Variants in ERBB4 observed in about 807,000 individuals in gnomAD.
The protein encoded by ERBB4 is erb-b2 receptor tyrosine kinase 4, also known as receptor tyrosine-protein kinase erbB-4.
Under a neutral mutation model 158.0 loss-of-function variants are expected in ERBB4, and 42 were observed. The ratio of observed to expected loss-of-function variants is 0.27; its 90% CI spans 0.21 to 0.34. The LOEUF (loss-of-function observed/expected upper bound fraction) is 0.34. Among genes scored for constraint, ERBB4 ranks in the 10% least tolerant of loss-of-function variants. The probability of loss-of-function intolerance (pLI) is 1.00; values close to 1 mark genes in which losing one functional copy is unlikely to be tolerated. For synonymous variants in ERBB4, 583 were observed against 558.7 expected, an observed-to-expected ratio of 1.04 and a Z score of -0.61; for missense variants, 1,333 against 1,624.1, an observed-to-expected ratio of 0.82 and a Z score of 3.08.
chr2:212,199,448 T>C (rs1430146641), intron 1 of ERBB4, among the ~76,000 whole-genome samples: 3 of 152,290 alleles, frequency 2.0e-5, no homozygotes, highest in Admixed American at 2.0e-4. Context: ...TATTACATCA[T>C]AAATTATATC....
chr2:211,743,292 T>G (rs2074853573), intron 5 of ERBB4, among the ~76,000 whole-genome samples: 1 of 152,100 alleles, frequency 6.6e-6, no homozygotes, highest in South Asian at 2.1e-4. Context: ...GTATGCAAAG[T>G]TCAGGAAAAT....
chr2:211,994,607 T>C (rs552943251), intron 2 of ERBB4, among the ~76,000 whole-genome samples: 1 of 152,338 alleles, frequency 6.6e-6, no homozygotes, highest in South Asian at 2.1e-4. Context: ...AGCATACATT[T>C]ACATTTTTAT....
intron 2 of ERBB4, among the ~76,000 whole-genome samples, chr2:211,954,733 T>C (rs1173622430): frequency 6.6e-6 from 1 of 152,050 alleles, no homozygotes; most frequent in East Asian, 1.9e-4. Context: ...ACAAATGTAG[T>C]AGCAAATTGT....
chr2:212,441,692 TA>T (rs35216786), intron 1 of ERBB4, among the ~76,000 whole-genome samples: 46 of 147,600 alleles, frequency 3.1e-4, no homozygotes, highest in Middle Eastern at 3.4e-3. Context: ...CTTGGGGAGT[TA>T]AAAAAAAAAG....
chr2:211,490,765 C>T (rs891201334), intron 20 of ERBB4, among the ~76,000 whole-genome samples: 1 of 152,012 alleles, frequency 6.6e-6, no homozygotes, highest in Non-Finnish European at 1.5e-5. Context: ...TGCCCTCTTA[C>T]AGCTTTGCAT....
intron 20 of ERBB4, among the ~76,000 whole-genome samples, chr2:211,522,147 A>G (rs1406550509): frequency 6.6e-6 from 1 of 152,186 alleles, no homozygotes; most frequent in African/African-American, 2.4e-5. Flanking sequence ...ATCTGGACAA[A>G]GTAAATTGAA....
chr2:212,207,745 T>C (rs2082809937), intron 1 of ERBB4, among the ~76,000 whole-genome samples: 1 of 143,160 alleles, frequency 7.0e-6, no homozygotes, highest in African/African-American at 3.0e-5. Context: ...ACACTTGAAC[T>C]CTCTACATCT....
intron 3 of ERBB4, among the ~76,000 whole-genome samples, chr2:211,856,366 CTATTTATTTATT>C (rs33972622): frequency 2.8e-5 from 4 of 140,642 alleles, no homozygotes; most frequent in South Asian, 2.4e-4. Flanking sequence ...CTTGTAATTT[CTATTTATTTATT>C]TATTTATTTA....
intron 2 of ERBB4, among the ~76,000 whole-genome samples, chr2:212,012,395 T>C (rs1229437289): frequency 6.6e-6 from 1 of 150,636 alleles, no homozygotes; most frequent in Non-Finnish European, 1.5e-5. Flanking sequence ...GCCTTTTCAG[T>C]GGACAATGCT....
chr2:212,004,212 T>C (rs1194116084), intron 2 of ERBB4, among the ~76,000 whole-genome samples: 3 of 152,234 alleles, frequency 2.0e-5, no homozygotes, highest in African/African-American at 7.2e-5. Flanking sequence ...ATATTTTCTA[T>C]ACATTAATTG....
rs74976839 is a variant in ERBB4, at chr2:211,923,364, G to C, written c.421+24066C>G. 3.3e-5 allele frequency among the ~76,000 whole-genome samples: 5 copies of C among 152,234 alleles called. 1 individual carries two copies. In the East Asian group the frequency reaches 9.6e-4, roughly 29 times the overall value. On this transcript the variant is annotated intron_variant, in intron 3 of 27. Transcript: ENST00000342788. ...AGTCACTGATATTTTTTAAAAAAGA[G>C]TTTGGTTAAACAATGTTAAGATGAA... is the stretch of plus-strand genomic sequence containing the variant.
intron 1 of ERBB4, among the ~76,000 whole-genome samples, chr2:212,153,295 C>T (rs1017817257): frequency 6.6e-6 from 1 of 152,174 alleles, no homozygotes; most frequent in Non-Finnish European, 1.5e-5. Flanking sequence ...AAAAGTCCTT[C>T]TGCCCAAAGG....
At chr2:212,053,877 T>C (rs1237858503) in intron 2 of ERBB4, among the ~76,000 whole-genome samples, 1 of 152,202 alleles carries the variant, frequency 6.6e-6, no homozygotes, top group Non-Finnish European at 1.5e-5. Context: ...TCACCCTGCA[T>C]TCTCAAGAAA....
chr2:211,488,433 G>C (rs976228378), intron 20 of ERBB4, among the ~76,000 whole-genome samples: 3 of 152,024 alleles, frequency 2.0e-5, no homozygotes, highest in African/African-American at 4.8e-5. Context: ...ACTGTATTGA[G>C]AGTGCCTAAA....
intron 7 of ERBB4, among the ~76,000 whole-genome samples, chr2:211,716,209 A>C (rs2073892694): frequency 6.6e-6 from 1 of 151,768 alleles, no homozygotes; most frequent in East Asian, 1.9e-4. Flanking sequence ...CTAAAAATAC[A>C]AAATTAGCCA....
In ERBB4 at chr2:211,925,830, TTCTC is replaced by T. The variant is rs957356585; in HGVS notation, c.421+21596_421+21599del. Among the ~76,000 whole-genome samples, 15 of 152,308 alleles carry T rather than the reference TTCTC, an allele frequency of 9.8e-5. No homozygotes were observed. In the South Asian group the frequency reaches 1.0e-3, roughly 11 times the overall value. On this transcript the variant is annotated intron_variant, in intron 3 of 27. Transcript: ENST00000342788. ...GGAAGGCATTTCCATTTCATACTTT[TTCTC>T]TCTTTTTTTTTACTGTTTTGTGTCT...
intron 1 of ERBB4, among the ~76,000 whole-genome samples, chr2:212,330,938 G>T (rs2088110256): frequency 6.6e-6 from 1 of 150,618 alleles, no homozygotes; most frequent in Non-Finnish European, 1.5e-5. Flanking sequence ...TTTGCCTGGG[G>T]TCAACAAGCA....
chr2:211,461,981 A>G (rs943391702), intron 20 of ERBB4, among the ~76,000 whole-genome samples: 5 of 152,262 alleles, frequency 3.3e-5, no homozygotes, highest in East Asian at 3.9e-4. Context: ...ATTTTATGGC[A>G]ATTAAAATGC....
chr2:212,353,691 A>G (rs2089350504), intron 1 of ERBB4, among the ~76,000 whole-genome samples: 1 of 152,108 alleles, frequency 6.6e-6, no homozygotes, highest in Non-Finnish European at 1.5e-5. Flanking sequence ...ATTTAGTAGT[A>G]CAGTGTGTAA....
Sources: allele counts gnomAD v4.1 joint callset (sites outside exome capture counted in the v4.1 genomes callset), GRCh38; gene constraint gnomAD v4.1.1; transcripts MANE v1.5; gene names NCBI Gene and HGNC (gene_info 2026-07-23, HGNC 2026-07-21).